Variants in TENM3 observed in about 807,000 individuals in gnomAD.
TENM3 encodes teneurin transmembrane protein 3, also known as teneurin-3.
A neutral mutation model predicts 255.1 loss-of-function variants in TENM3; 63 were observed. That is an observed-to-expected ratio of 0.25 (90% CI 0.20 to 0.30). The LOEUF is 0.30. TENM3 is among the 10% of genes least tolerant of loss of function. The probability of loss-of-function intolerance (pLI) is 1.00; values close to 1 mark genes in which losing one functional copy is unlikely to be tolerated. For missense variants in TENM3, 2,929 were observed against 3,461.1 expected (o/e 0.85, Z 3.86); for synonymous variants, 1,306 against 1,322.3 (o/e 0.99, Z 0.27).
At chr4:182,023,992 C>G in the TENM3 span, among the ~76,000 whole-genome samples, 19 of 152,254 alleles carry the variant, frequency 1.2e-4, no homozygotes, top group South Asian at 3.9e-3. Flanking sequence ...TAGTGTCAAG[C>G]TATTTCATTC....
At chr4:182,062,516 G>A in the TENM3 span, among the ~76,000 whole-genome samples, 2 of 152,176 alleles carry the variant, frequency 1.3e-5, no homozygotes, top group African/African-American at 4.8e-5. Flanking sequence ...ACTTTTATAT[G>A]TAAAGTTATA....
At chr4:182,757,166 G>T (rs151074161) in intron 22 of TENM3, among the ~76,000 whole-genome samples, 1 of 151,928 alleles carries the variant, frequency 6.6e-6, no homozygotes, top group South Asian at 2.1e-4. Context: ...CAAAAAATTC[G>T]CCAGGCGTGG....
At chr4:182,722,461 G>A (rs1384621071) in intron 13 of TENM3, among the ~76,000 whole-genome samples, 3 of 152,194 alleles carry the variant, frequency 2.0e-5, no homozygotes, top group East Asian at 3.8e-4. Flanking sequence ...CGATAGTAGG[G>A]ATGGATAGTG....
At chr4:182,175,325 A>G (rs1024221274) in intron 1 of TENM3, among the ~76,000 whole-genome samples, 59 of 147,134 alleles carry the variant, frequency 4.0e-4, no homozygotes, top group Middle Eastern at 3.6e-3. Flanking sequence ...ATATATATAT[A>G]TATATATATA....
intron 13 of TENM3, among the ~76,000 whole-genome samples, chr4:182,719,241 CTTTTTTTTTTCTTT>C (rs1475018724): frequency 1.2e-5 from 1 of 83,316 alleles, no homozygotes; most frequent in East Asian, 3.2e-4. Context: ...AAATAGAGTT[CTTTTTTTTTTCTTT>C]TTTTTTTTTT....
chr4:181,994,889 A>G, the TENM3 span, among the ~76,000 whole-genome samples: 1 of 152,060 alleles, frequency 6.6e-6, no homozygotes, highest in African/African-American at 2.4e-5. Context: ...TGAATATAAC[A>G]ATTTCTTCTG....
At chr4:182,059,020 G>A in the TENM3 span, among the ~76,000 whole-genome samples, 1 of 149,488 alleles carries the variant, frequency 6.7e-6, no homozygotes, top group Non-Finnish European at 1.5e-5. Context: ...AAAGAGATCA[G>A]AAATTGTATC....
In TENM3 at chr4:182,539,793, G is replaced by A. The variant is rs538552586; in HGVS notation, c.512-61131G>A. ...GTATAATATTTACTGAGATGGAGAAGATTCGGTGTGGGTGAGGTTGAATTT... is the reference window on the plus strand; with the variant it reads ...GTATAATATTTACTGAGATGGAGAAAATTCGGTGTGGGTGAGGTTGAATTT... On this transcript the variant is annotated intron_variant, in intron 3 of 27. Transcript: ENST00000511685. Among the ~76,000 whole-genome samples, 3 of 152,328 alleles carry A rather than the reference G, an allele frequency of 2.0e-5. No individual in the cohort carries two copies. The South Asian group carries it at 6.2e-4, about 32-fold the overall frequency.
the TENM3 span, among the ~76,000 whole-genome samples, chr4:181,831,028 C>T: frequency 1.3e-5 from 2 of 152,264 alleles, no homozygotes; most frequent in South Asian, 4.1e-4. Flanking sequence ...TCTTAAAAAT[C>T]TTTCTCTCTT....
chr4:182,579,533 G>C (rs1326420327), intron 3 of TENM3, among the ~76,000 whole-genome samples: 3 of 152,194 alleles, frequency 2.0e-5, no homozygotes, highest in Non-Finnish European at 4.4e-5. Context: ...AGGAGATCTT[G>C]GATTGGGCAG....
intron 2 of TENM3, among the ~76,000 whole-genome samples, chr4:182,329,222 C>G (rs112004079): frequency 1.3e-5 from 2 of 152,170 alleles, no homozygotes; most frequent in African/African-American, 2.4e-5. Context: ...GTGTTTTCCG[C>G]TTTGTGCCAG....
intron 1 of TENM3, among the ~76,000 whole-genome samples, chr4:182,226,747 T>C (rs550972786): frequency 6.6e-6 from 1 of 152,276 alleles, no homozygotes; most frequent in South Asian, 2.1e-4. Flanking sequence ...GGTCATGCAA[T>C]AGCATAAGTT....
the TENM3 span, among the ~76,000 whole-genome samples, chr4:182,097,244 C>T: frequency 6.6e-6 from 1 of 152,050 alleles, no homozygotes; most frequent in Non-Finnish European, 1.5e-5. Context: ...TAATAAAGCC[C>T]TTAGGGAAGC....
the TENM3 span, among the ~76,000 whole-genome samples, chr4:181,753,274 A>T: frequency 6.6e-6 from 1 of 152,182 alleles, no homozygotes; most frequent in East Asian, 1.9e-4. Context: ...GGAATCCTAT[A>T]TAATCAGACA....
At chr4:182,532,588 T>G (rs1739880911) in intron 3 of TENM3, among the ~76,000 whole-genome samples, 1 of 152,200 alleles carries the variant, frequency 6.6e-6, no homozygotes, top group African/African-American at 2.4e-5. Flanking sequence ...AGAAGTAAAT[T>G]GCTCGTTTTT....
At chr4:182,239,074 TA>T (rs1208892560), upstream of TENM3, among the ~76,000 whole-genome samples, 247 of 137,660 alleles carry the variant, frequency 1.8e-3, 2 homozygotes, top group African/African-American at 6.7e-3. Context: ...TGTGTGTGTG[TA>T]TTTTTTTTTT....
At chr4:181,739,401 C>T in the TENM3 span, among the ~76,000 whole-genome samples, 3 of 152,128 alleles carry the variant, frequency 2.0e-5, no homozygotes, top group Non-Finnish European at 2.9e-5. Context: ...TGTTGCCTCT[C>T]GTACCAACTA....
the TENM3 span, among the ~76,000 whole-genome samples, chr4:181,728,187 A>G: frequency 6.6e-6 from 1 of 152,172 alleles, no homozygotes; most frequent in African/African-American, 2.4e-5. Flanking sequence ...AATATCATCT[A>G]GGTGTGTCTC....
chr4:181,474,697 T>C, the TENM3 span, among the ~76,000 whole-genome samples: 4 of 148,868 alleles, frequency 2.7e-5, no homozygotes, highest in African/African-American at 9.9e-5. Flanking sequence ...ATCATGCCAC[T>C]GCACTCCAGC....
Sources: allele counts gnomAD v4.1 joint callset (sites outside exome capture counted in the v4.1 genomes callset), GRCh38; gene constraint gnomAD v4.1.1; transcripts MANE v1.5; gene names NCBI Gene and HGNC (gene_info 2026-07-23, HGNC 2026-07-21).